The following SH3PXD2A variants were observed in gnomAD, a reference collection of about 807,000 sequenced individuals.
The protein encoded by SH3PXD2A is SH3 and PX domains 2A.
SH3PXD2A carries 32 observed loss-of-function variants against 115.2 expected under a neutral mutation model. That is an observed-to-expected ratio of 0.28 (90% CI 0.21 to 0.37). The LOEUF (loss-of-function observed/expected upper bound fraction) is 0.37. SH3PXD2A is among the 10% of genes least tolerant of loss of function. The pLI is 1.00. For missense variants in SH3PXD2A, 1,328 were observed against 1,498.7 expected (o/e 0.89, Z 1.88); for synonymous variants, 610 against 629.1 (o/e 0.97, Z 0.45).
Position 103,600,092 on chromosome 10 carries a change from TTCC to T in SH3PXD2A, c.*1721_*1723del, listed in dbSNP as rs920341749. 1 of 152,524 alleles carries T rather than the reference TTCC, an allele frequency of 6.6e-6. No homozygotes were observed. Among genetic ancestry groups the T allele is most frequent in the African/African-American group, 2.4e-5 (1 of 41,388 alleles). 9.4% of individuals were successfully genotyped at this position (152,524 alleles called of 1,614,324 possible). A position where few individuals can be genotyped will look rare whatever the true frequency, so the allele number is the denominator to read the frequency against. ...TGGGGAGCAGGGTGAGGGAGGGCCT[TTCC>T]TCCTCTATAGAAAACACCAACCCCC... is the stretch of plus-strand genomic sequence containing the variant. On this transcript the variant is annotated 3_prime_UTR_variant, in exon 15 of 15. Coordinates refer to ENST00000369774, the MANE Select transcript of SH3PXD2A (RefSeq NM_001394015.1).
At chr10:103,692,744 A>G (rs1206449602) in intron 6 of SH3PXD2A, among the ~76,000 whole-genome samples, 1 of 151,320 alleles carries the variant, frequency 6.6e-6, no homozygotes, top group Non-Finnish European at 1.5e-5. Context: ...CCACCCACGC[A>G]CTCCCCATGC....
At chr10:103,618,552 G>A (rs1468027065) in intron 10 of SH3PXD2A, among the ~76,000 whole-genome samples, 2 of 152,220 alleles carry the variant, frequency 1.3e-5, no homozygotes, top group Non-Finnish European at 2.9e-5. Flanking sequence ...ATGCCCTTCT[G>A]AAGGGTCACC....
intron 6 of SH3PXD2A, among the ~76,000 whole-genome samples, chr10:103,670,416 TAGTC>T (rs940070904): frequency 3.3e-5 from 5 of 152,194 alleles, no homozygotes; most frequent in African/African-American, 1.2e-4. Flanking sequence ...GCCTACTACA[TAGTC>T]AGTGCTTGAT....
intron 5 of SH3PXD2A, among the ~76,000 whole-genome samples, chr10:103,699,030 C>A (rs1592307252): frequency 6.6e-6 from 1 of 152,002 alleles, no homozygotes; most frequent in African/African-American, 2.4e-5. Flanking sequence ...CTGTGAAATC[C>A]AGAAGTTTGC....
intron 3 of SH3PXD2A, among the ~76,000 whole-genome samples, chr10:103,740,397 G>A (rs2038431412): frequency 6.6e-6 from 1 of 152,142 alleles, no homozygotes; most frequent in Non-Finnish European, 1.5e-5. Flanking sequence ...GCATGTGAAG[G>A]GAGATGAGAA....
chr10:103,673,519 AC>A (rs2037491329), intron 6 of SH3PXD2A: 1 of 152,164 alleles, frequency 6.6e-6, no homozygotes, highest in Non-Finnish European at 1.5e-5. Context: ...AGGCATGATC[AC>A]GCCACTGCAA....
intron 1 of SH3PXD2A, among the ~76,000 whole-genome samples, chr10:103,801,618 A>T (rs1284328111): frequency 6.6e-6 from 1 of 150,464 alleles, no homozygotes; most frequent in East Asian, 2.0e-4. Flanking sequence ...ATCTTAGGAA[A>T]GTAGGATCAG....
intron 4 of SH3PXD2A, among the ~76,000 whole-genome samples, chr10:103,733,098 G>A (rs2038341431): frequency 6.6e-6 from 1 of 151,958 alleles, no homozygotes; most frequent in African/African-American, 2.4e-5. Context: ...CCGCCTGTGA[G>A]ATAGATGGCT....
intron 1 of SH3PXD2A, among the ~76,000 whole-genome samples, chr10:103,847,115 C>G (rs1390295694): frequency 6.6e-6 from 1 of 152,138 alleles, no homozygotes; most frequent in Non-Finnish European, 1.5e-5. Context: ...TGGTAGAGGT[C>G]AAATAAATGA....
chr10:103,649,245 A>G (rs2037082898), intron 8 of SH3PXD2A, among the ~76,000 whole-genome samples: 1 of 152,142 alleles, frequency 6.6e-6, no homozygotes, highest in Non-Finnish European at 1.5e-5. Flanking sequence ...GGTATCTGGA[A>G]AGCAACCATG....
intron 2 of SH3PXD2A, among the ~76,000 whole-genome samples, chr10:103,775,841 T>C (rs138035950): frequency 6.5e-4 from 99 of 152,268 alleles, no homozygotes; most frequent in Non-Finnish European, 1.2e-3. Context: ...AGAAGTCATT[T>C]TCAGAACCCA....
At chr10:103,847,390 T>G (rs1222646655) in intron 1 of SH3PXD2A, among the ~76,000 whole-genome samples, 1 of 152,114 alleles carries the variant, frequency 6.6e-6, no homozygotes. Flanking sequence ...CACGGTTTAC[T>G]GCAGGCTCAA....
intron 6 of SH3PXD2A, among the ~76,000 whole-genome samples, chr10:103,690,193 C>T (rs1056952362): frequency 2.0e-5 from 3 of 152,088 alleles, no homozygotes; most frequent in South Asian, 2.1e-4. Flanking sequence ...AAAATGTCCT[C>T]GCACATAGTA....
chr10:103,726,493 G>A (rs1222534454), intron 4 of SH3PXD2A, among the ~76,000 whole-genome samples: 9 of 152,154 alleles, frequency 5.9e-5, no homozygotes, highest in Admixed American at 5.2e-4. Context: ...ATGCAGGCGC[G>A]ATTTTAGTCT....
chr10:103,620,546 G>A lies in SH3PXD2A; in HGVS notation c.802+1924C>T, dbSNP rs929022750. ...GGAGCGGAGGCCGTGGGGAAGCTCC[G>A]CTTTTCTCTTGTCTAGCTCCTCCAC... On this transcript the variant is annotated intron_variant, in intron 10 of 14. Transcript: ENST00000369774. The surrounding 1 kb of genome is among the most constrained non-coding windows in gnomAD (Gnocchi z 5.3). Among the ~76,000 whole-genome samples, 23 of 152,236 alleles carry A rather than the reference G, an allele frequency of 1.5e-4. No individual in the cohort carries two copies. Among genetic ancestry groups the A allele is most frequent in the African/African-American group, 4.3e-4 (18 of 41,556 alleles).
At chr10:103,682,499 T>C (rs921268354) in intron 6 of SH3PXD2A, among the ~76,000 whole-genome samples, 2 of 152,226 alleles carry the variant, frequency 1.3e-5, no homozygotes, top group Non-Finnish European at 2.9e-5. Flanking sequence ...GGCTCATGCC[T>C]GTAATCGCAG....
At chr10:103,647,893 C>A (rs2037059035) in intron 8 of SH3PXD2A, among the ~76,000 whole-genome samples, 1 of 152,100 alleles carries the variant, frequency 6.6e-6, no homozygotes. Context: ...CCAGGAGGCA[C>A]TGGTTAAGGC....
At chr10:103,696,725 G>A (rs2037829437) in intron 5 of SH3PXD2A, among the ~76,000 whole-genome samples, 1 of 152,206 alleles carries the variant, frequency 6.6e-6, no homozygotes, top group African/African-American at 2.4e-5. Flanking sequence ...AGAGGCTAAT[G>A]TAATTGAAAA....
chr10:103,669,347 T>A (rs927224254), intron 6 of SH3PXD2A, among the ~76,000 whole-genome samples: 7 of 152,168 alleles, frequency 4.6e-5, no homozygotes, highest in African/African-American at 1.4e-4. Context: ...TGGGCCTCAG[T>A]TTCCTCACCT....
Sources: allele counts gnomAD v4.1 joint callset (sites outside exome capture counted in the v4.1 genomes callset), GRCh38; gene constraint gnomAD v4.1.1; non-coding constraint Gnocchi (gnomAD v3.1); transcripts MANE v1.5; gene names NCBI Gene and HGNC (gene_info 2026-07-23, HGNC 2026-07-21).